The following BICC1 variants were observed in gnomAD, a reference collection of about 807,000 sequenced individuals.
BICC1 encodes the protein BicC family RNA binding protein 1, also known as protein bicaudal C homolog 1.
BICC1 carries 43 observed loss-of-function variants against 111.0 expected under a neutral mutation model. That is an observed-to-expected ratio of 0.39 (90% CI 0.30 to 0.50). BICC1 has a LOEUF of 0.50. BICC1 is among the 20% of genes least tolerant of loss of function. The probability of loss-of-function intolerance (pLI) is 0.88; values close to 1 mark genes in which losing one functional copy is unlikely to be tolerated. For missense variants in BICC1, 1,091 were observed against 1,203.2 expected (o/e 0.91, Z 1.38); for synonymous variants, 467 against 434.4 (o/e 1.07, Z -0.93).
At chr10:58,779,960 A>G (rs376764564) in intron 3 of BICC1, among the ~76,000 whole-genome samples, 1 of 152,044 alleles carries the variant, frequency 6.6e-6, no homozygotes, top group Non-Finnish European at 1.5e-5. Flanking sequence ...AATTTTGGCT[A>G]TTATTACTTT....
intron 1 of BICC1, among the ~76,000 whole-genome samples, chr10:58,546,883 C>T (rs905743507): frequency 6.6e-6 from 1 of 152,038 alleles, no homozygotes; most frequent in Admixed American, 6.6e-5. Context: ...GGCCTCCTGC[C>T]TTTTAAATAT....
intron 3 of BICC1, among the ~76,000 whole-genome samples, chr10:58,728,759 A>G (rs1455046566): frequency 2.0e-5 from 3 of 152,158 alleles, no homozygotes; most frequent in African/African-American, 7.2e-5. Context: ...TCCATGGGGT[A>G]CAGAAGGAAT....
intron 1 of BICC1, among the ~76,000 whole-genome samples, chr10:58,573,726 A>G (rs1844030262): frequency 6.6e-6 from 1 of 152,088 alleles, no homozygotes; most frequent in African/African-American, 2.4e-5. Context: ...TCCTTAGGGT[A>G]CTCTAACAGA....
intron 2 of BICC1, among the ~76,000 whole-genome samples, chr10:58,676,744 T>G (rs1839355678): frequency 1.3e-5 from 2 of 152,120 alleles, no homozygotes; most frequent in Admixed American, 1.3e-4. Flanking sequence ...CCCCCGTGCC[T>G]CCTGACTGGG....
At chr10:58,587,410 A>G (rs1350651847) in intron 1 of BICC1, among the ~76,000 whole-genome samples, 1 of 152,186 alleles carries the variant, frequency 6.6e-6, no homozygotes, top group Non-Finnish European at 1.5e-5. Context: ...AAAGAAAGCT[A>G]TTTTTAATAT....
At chr10:58,745,591 A>T (rs1252994118) in intron 3 of BICC1, among the ~76,000 whole-genome samples, 1 of 76,838 alleles carries the variant, frequency 1.3e-5, no homozygotes, top group Admixed American at 1.8e-4. Context: ...CAGCTCTAAG[A>T]GCCCCCCACC....
chr10:58,766,659 A>C (rs1247086422), intron 3 of BICC1, among the ~76,000 whole-genome samples: 2 of 152,100 alleles, frequency 1.3e-5, no homozygotes, highest in African/African-American at 4.8e-5. Flanking sequence ...TCTAGCAGAG[A>C]AGTTCCAGCT....
intron 20 of BICC1, chr10:58,823,393 TA>T (rs1844307102): frequency 1.0e-6 from 1 of 985,008 alleles, no homozygotes; most frequent in African/African-American, 1.7e-5. Context: ...ACAGCAATTC[TA>T]AAGTCTCTTC....
At chr10:58,633,639 A>G (rs1435570763) in intron 2 of BICC1, among the ~76,000 whole-genome samples, 2 of 152,188 alleles carry the variant, frequency 1.3e-5, no homozygotes, top group African/African-American at 4.8e-5. Context: ...TGAACTTTTG[A>G]TGATATGCAG....
intron 15 of BICC1, among the ~76,000 whole-genome samples, chr10:58,805,014 C>T (rs971274883): frequency 2.0e-5 from 3 of 152,136 alleles, no homozygotes; most frequent in African/African-American, 7.2e-5. Context: ...GCAAGTCAGC[C>T]AGGCATGGTG....
At chr10:58,594,167 G>T (rs1283317662) in intron 1 of BICC1, among the ~76,000 whole-genome samples, 1 of 151,798 alleles carries the variant, frequency 6.6e-6, no homozygotes, top group African/African-American at 2.4e-5. Flanking sequence ...GAGGAGACAA[G>T]ATTAGAGAAA....
intron 3 of BICC1, among the ~76,000 whole-genome samples, chr10:58,763,350 CTG>C (rs1185460420): frequency 2.0e-5 from 3 of 152,126 alleles, no homozygotes; most frequent in Admixed American, 2.0e-4. Context: ...GATTTTAAAA[CTG>C]TGAGAGTATA....
intron 3 of BICC1, among the ~76,000 whole-genome samples, chr10:58,733,884 C>T (rs1166520949): frequency 6.6e-6 from 1 of 152,196 alleles, no homozygotes. Context: ...TGTCCTGGGT[C>T]AGCCAGTTAC....
chr10:58,769,404 G>GTGTGTATATATATATATA (rs1050060686), intron 3 of BICC1, among the ~76,000 whole-genome samples: 1 of 109,746 alleles, frequency 9.1e-6, no homozygotes, highest in Non-Finnish European at 1.9e-5. Flanking sequence ...GTGTGTGTGT[G>GTGTGTATATATATATATA]TATATATATA....
chr10:58,649,237 C>T (rs971727800), intron 2 of BICC1, among the ~76,000 whole-genome samples: 2 of 152,156 alleles, frequency 1.3e-5, no homozygotes, highest in African/African-American at 4.8e-5. Flanking sequence ...GTTTCTTTCC[C>T]TGGTTGCACA....
chr10:58,783,663 C>T (rs1842938567), intron 3 of BICC1, among the ~76,000 whole-genome samples: 1 of 152,098 alleles, frequency 6.6e-6, no homozygotes, highest in Non-Finnish European at 1.5e-5. Context: ...TGACTCTTTA[C>T]TGCCTGGATG....
chr10:58,709,673 C>T (rs1469857722), intron 3 of BICC1, among the ~76,000 whole-genome samples: 1 of 152,172 alleles, frequency 6.6e-6, no homozygotes, highest in Non-Finnish European at 1.5e-5. Flanking sequence ...AGAATTATTG[C>T]CTTCCCAGAT....
rs370411268 is a variant in BICC1 at position 58,690,068 on chromosome 10, A to G, written c.238-12006A>G. The stretch of plus-strand genomic sequence containing the variant: ...CTTTTGTCTCTTCTTTAAGGAATAT[A>G]TACAGCATTAAAAGATGAGAGTTAA... On this transcript the variant is annotated intron_variant, in intron 2 of 20. Coordinates refer to ENST00000373886, the MANE Select transcript of BICC1 (RefSeq NM_001080512.3). 1.2e-3 allele frequency among the ~76,000 whole-genome samples: 183 copies of G among 152,296 alleles called. 1 individual carries two copies. Among genetic ancestry groups the G allele is most frequent in the African/African-American group, 4.2e-3 (173 of 41,554 alleles).
intron 3 of BICC1, among the ~76,000 whole-genome samples, chr10:58,706,985 A>C (rs150248347): frequency 2.2e-4 from 34 of 152,356 alleles, no homozygotes; most frequent in Middle Eastern, 3.4e-3. Context: ...ACCAAGTGAT[A>C]GGAACTAATC....
Sources: gnomAD v4.1 joint callset for allele counts (sites outside exome capture counted in the v4.1 genomes callset) on GRCh38, gnomAD v4.1.1 for gene constraint, MANE v1.5 for transcripts, NCBI Gene and HGNC (gene_info 2026-07-23, HGNC 2026-07-21) for gene names.